KANSL1L: variants seen among roughly 807,000 people sequenced by gnomAD.
KANSL1L encodes the protein KAT8 regulatory NSL complex subunit 1-like protein.
Under a neutral mutation model 108.6 loss-of-function variants are expected in KANSL1L, and 25 were observed. The observed-to-expected ratio is 0.23, with a 90% confidence interval of 0.17 to 0.32. The LOEUF (loss-of-function observed/expected upper bound fraction) is 0.32, where lower values mean the gene tolerates loss of function less well. KANSL1L is among the 10% of genes least tolerant of loss of function. The pLI is 1.00. For synonymous variants in KANSL1L, 405 were observed against 395.1 expected (o/e 1.03, Z -0.30); for missense variants, 1,137 against 1,125.7 (o/e 1.01, Z -0.14).
intron 3 of KANSL1L, among the ~76,000 whole-genome samples, chr2:210,106,796 G>A (rs772529739): frequency 1.2e-4 from 18 of 151,850 alleles, no homozygotes; most frequent in Non-Finnish European, 2.2e-4. Flanking sequence ...TTCAACCAGG[G>A]AGACCGTCAT....
intron 3 of KANSL1L, among the ~76,000 whole-genome samples, chr2:210,128,098 A>T (rs542708660): frequency 1.3e-5 from 2 of 152,260 alleles, no homozygotes; most frequent in Admixed American, 1.3e-4. Context: ...GGTTACTATA[A>T]AATAAACAGA....
chr2:210,069,818 T>C (rs2094493630), intron 6 of KANSL1L, among the ~76,000 whole-genome samples: 1 of 37,174 alleles, frequency 2.7e-5, no homozygotes, highest in African/African-American at 1.9e-4. Context: ...TTTTTTTTTT[T>C]TTTTTTTTTT....
intron 1 of KANSL1L, among the ~76,000 whole-genome samples, chr2:210,160,877 C>A (rs2095357600): frequency 6.6e-6 from 1 of 151,638 alleles, no homozygotes; most frequent in Non-Finnish European, 1.5e-5. Flanking sequence ...GAAGGATTCA[C>A]ACAACTTACC....
chr2:210,162,240 A>ATATATG (rs1196823363), intron 1 of KANSL1L, among the ~76,000 whole-genome samples: 7 of 143,908 alleles, frequency 4.9e-5, no homozygotes, highest in Non-Finnish European at 9.1e-5. Flanking sequence ...ATATATATAT[A>ATATATG]TATGTATATC....
intron 1 of KANSL1L, among the ~76,000 whole-genome samples, chr2:210,160,434 A>G (rs2095355844): frequency 6.6e-6 from 1 of 152,216 alleles, no homozygotes; most frequent in African/African-American, 2.4e-5. Context: ...CTACATAGAA[A>G]ATCCCAAGGG....
chr2:210,048,777 C>G (rs1380674293), intron 6 of KANSL1L, among the ~76,000 whole-genome samples: 1 of 151,148 alleles, frequency 6.6e-6, no homozygotes, highest in Admixed American at 6.6e-5. Flanking sequence ...AAATTTTGTT[C>G]ATGGGACATT....
At chr2:210,028,359 A>G (rs1484038185) in intron 11 of KANSL1L, 2 of 142,074 alleles carry the variant, frequency 1.4e-5, no homozygotes, top group African/African-American at 5.4e-5. Context: ...CTTCCCACTC[A>G]TCTTTTGAAT....
At chr2:210,038,579 T>C (rs1200797698) in intron 8 of KANSL1L, among the ~76,000 whole-genome samples, 3 of 151,962 alleles carry the variant, frequency 2.0e-5, no homozygotes, top group African/African-American at 7.2e-5. Flanking sequence ...ACACTTACTT[T>C]TTCTTGTTAT....
chr2:210,023,224 T>G, intron 14 of KANSL1L, 45 bp from the exon 15 acceptor site: 2 of 1,384,474 alleles, frequency 1.4e-6, no homozygotes, highest in South Asian at 2.4e-5. Context: ...TAACTTGTTT[T>G]GTTTAAATTC....
At chr2:210,170,510 A>C (rs1030930070) in intron 1 of KANSL1L, 4 of 372,048 alleles carry the variant, frequency 1.1e-5, no homozygotes. Flanking sequence ...AACACCACGC[A>C]ATCTGACTTT....
intron 2 of KANSL1L, 163 bp downstream of exon 2, chr2:210,153,332 C>T (rs1174547321): frequency 3.1e-5 from 18 of 574,650 alleles, no homozygotes; most frequent in South Asian, 7.6e-5. Flanking sequence ...CCAGCCTGGG[C>T]GACAGAGCGA....
chr2:210,150,624 A>G (rs866346979), intron 2 of KANSL1L, among the ~76,000 whole-genome samples: 7 of 152,070 alleles, frequency 4.6e-5, no homozygotes, highest in South Asian at 2.1e-4. Context: ...CTCTACTAAA[A>G]ATACAAAATT....
At chr2:210,130,326 T>G (rs530281171) in intron 2 of KANSL1L, among the ~76,000 whole-genome samples, 2 of 152,298 alleles carry the variant, frequency 1.3e-5, no homozygotes, top group East Asian at 3.9e-4. Context: ...AAAACTGCTC[T>G]AAAAAATAGT....
chr2:210,079,652 A>G (rs1441891313), intron 5 of KANSL1L, among the ~76,000 whole-genome samples: 19 of 20,152 alleles, frequency 9.4e-4, no homozygotes, highest in East Asian at 4.1e-3. Flanking sequence ...ATATATATAT[A>G]TATATATATA....
chr2:210,147,133 T>C (rs1405364886), intron 2 of KANSL1L, among the ~76,000 whole-genome samples: 1 of 152,216 alleles, frequency 6.6e-6, no homozygotes, highest in African/African-American at 2.4e-5. Context: ...ATTGAAGTAC[T>C]ACTTCCCTCA....
At chr2:210,080,374 T>C (rs1013103735) in intron 5 of KANSL1L, 2 of 152,146 alleles carry the variant, frequency 1.3e-5, no homozygotes, top group Non-Finnish European at 2.9e-5. Context: ...ATCTGAGAAA[T>C]TCAAGTCCCT....
chr2:210,043,771 A>G (rs2094194036), intron 7 of KANSL1L, 168 bp downstream of exon 7: 2 of 450,200 alleles, frequency 4.4e-6, no homozygotes, highest in African/African-American at 2.0e-5. Context: ...CGTGCATGTG[A>G]CTAGATTAAT....
intron 11 of KANSL1L, among the ~76,000 whole-genome samples, chr2:210,027,680 T>C (rs1309474171): frequency 6.6e-6 from 1 of 152,208 alleles, no homozygotes; most frequent in Non-Finnish European, 1.5e-5. Flanking sequence ...AACCCTGGTT[T>C]GTATGTTTGC....
At chr2:210,047,706 G>C (rs1471737075) in intron 6 of KANSL1L, among the ~76,000 whole-genome samples, 1 of 152,142 alleles carries the variant, frequency 6.6e-6, no homozygotes, top group Non-Finnish European at 1.5e-5. Context: ...TCTATTGTCT[G>C]TTTTTCCTCT....
Sources: allele counts gnomAD v4.1 joint callset (sites outside exome capture counted in the v4.1 genomes callset), GRCh38; gene constraint gnomAD v4.1.1; transcripts MANE v1.5; gene names NCBI Gene and HGNC (gene_info 2026-07-23, HGNC 2026-07-21).